Variants in PHF19 observed in about 807,000 individuals in gnomAD.
PHF19 encodes the protein polycomb like 3.
PHF19 carries 21 observed loss-of-function variants against 79.8 expected under a neutral mutation model. The ratio of observed to expected loss-of-function variants is 0.26; its 90% CI spans 0.19 to 0.38. The LOEUF is 0.38. PHF19 is among the 10% of genes least tolerant of loss of function. The probability of loss-of-function intolerance (pLI) is 1.00; values close to 1 mark genes in which losing one functional copy is unlikely to be tolerated. For missense variants in PHF19, 445 were observed against 744.2 expected (o/e 0.60, Z 4.68); for synonymous variants, 273 against 296.3 (o/e 0.92, Z 0.81).
upstream of PHF19, among the ~76,000 whole-genome samples, chr9:120,878,655 A>T (rs2046129994): frequency 6.6e-6 from 1 of 151,306 alleles, no homozygotes; most frequent in Non-Finnish European, 1.5e-5. Context: ...CTCCTTCCTC[A>T]CTTCCTTCTG....
At position 120,870,547 on chromosome 9, in the gene PHF19, G is replaced by C; in HGVS notation, c.269-9C>G. Reference sequence around the variant, plus strand: ...CTCTCCTGGAACACCGGCTGAAAGAGAGGGCCTCGAGGGTCGGGTCCAGCT... The same window carrying C: ...CTCTCCTGGAACACCGGCTGAAAGACAGGGCCTCGAGGGTCGGGTCCAGCT... On this transcript the variant is annotated splice_polypyrimidine_tract_variant and intron_variant, in intron 3 of 14. Coordinates refer to ENST00000373896, the MANE Select transcript of PHF19 (RefSeq NM_015651.3). This position sits in a 1 kb window ranked among gnomAD's most constrained non-coding sequence, Gnocchi z 4.4. 1 of 1,530,208 alleles carries C rather than the reference G, an allele frequency of 6.5e-7. No individual in the cohort carries two copies. The highest frequency in any genetic ancestry group is 9.1e-7 in the Non-Finnish European group (1 of 1,103,246). 94.8% of individuals were successfully genotyped at this position (1,530,208 alleles called of 1,614,324 possible).
At chr9:120,859,772 G>T (rs1439902929) in intron 14 of PHF19, among the ~76,000 whole-genome samples, 1 of 152,198 alleles carries the variant, frequency 6.6e-6, no homozygotes, top group East Asian at 1.9e-4. Flanking sequence ...GGCCAAAAGT[G>T]AAAGAAACTC....
At chr9:120,859,242 T>C (rs2045446193) in intron 14 of PHF19, among the ~76,000 whole-genome samples, 1 of 150,142 alleles carries the variant, frequency 6.7e-6, no homozygotes, top group South Asian at 2.1e-4. Context: ...TTTTTTTTTT[T>C]TTTTTTTTTT....
Position 120,862,398 on chromosome 9 carries a change from C to T in PHF19, c.1130+190G>A, listed in dbSNP as rs190930026. Among the ~76,000 whole-genome samples the T allele has an allele frequency of 3.5e-3, 535 of 152,292 alleles. 6 individuals are homozygous for T. The highest frequency in any genetic ancestry group is 0.012 in the African/African-American group (503 of 41,562). On this transcript the variant is annotated intron_variant, in intron 11 of 14. Transcript: ENST00000373896. This position sits in a 1 kb window ranked among gnomAD's most constrained non-coding sequence, Gnocchi z 4.6. ...CCTCAGATCTGGCTTTTCCTCCTTGCGAGGTAATAAGGGGGCTGTGGTGGT... is the reference window on the plus strand; with the variant it reads ...CCTCAGATCTGGCTTTTCCTCCTTGTGAGGTAATAAGGGGGCTGTGGTGGT...
chr9:120,872,950 C>CT (rs1438445951), intron 3 of PHF19, among the ~76,000 whole-genome samples: 2 of 152,160 alleles, frequency 1.3e-5, no homozygotes, highest in African/African-American at 2.4e-5. Context: ...AACAGCTTCT[C>CT]TAAAACCAAT....
At position 120,870,417 on chromosome 9, in the gene PHF19, C is replaced by T. The variant is rs751334537; in HGVS notation, c.364+26G>A. On this transcript the variant is annotated intron_variant, in intron 4 of 14. Coordinates refer to ENST00000373896, the MANE Select transcript of PHF19 (RefSeq NM_015651.3). The surrounding 1 kb of genome is among the most constrained non-coding windows in gnomAD (Gnocchi z 4.4). ...GTGGGGACCTATAGGTCGGGGCCTT[C>T]TCAGGGCCCTGCTCGCTCCACTCAC... 7.3e-6 allele frequency: 11 copies of T among 1,501,300 alleles called. No homozygotes were observed. Among genetic ancestry groups the T allele is most frequent in the Non-Finnish European group, 1.0e-5 (11 of 1,077,322 alleles). The allele number at this position is 1,501,300 out of a possible 1,614,324, so 93.0% of individuals were successfully genotyped here. A position where few individuals can be genotyped will look rare whatever the true frequency, so the allele number is the denominator to read the frequency against.
upstream of PHF19, among the ~76,000 whole-genome samples, chr9:120,879,096 C>CT (rs1362581249): frequency 3.9e-5 from 6 of 152,048 alleles, no homozygotes; most frequent in Admixed American, 1.3e-4. Flanking sequence ...GCTCCAGAGA[C>CT]TTTAAGTCTT....
intron 14 of PHF19, among the ~76,000 whole-genome samples, chr9:120,858,673 G>A (rs746493555): frequency 3.3e-5 from 5 of 152,122 alleles, no homozygotes; most frequent in Non-Finnish European, 7.4e-5. Context: ...AGCCTCCTGA[G>A]GCCATGCAGT....
In PHF19 at chr9:120,869,210, A is replaced by T; in HGVS notation, c.586T>A (p.Cys196Ser). ...DSPHRTNQQQ[C>S]YCYCGGPGEW... ...CCGGGCCCGCCGCAGTAGCAGTAGC[A>T]TTGCTGCTGGTTGGTGCGATGGGGC... The change falls in exon 6 of 15, where the codon TGC becomes AGC. Residue 196 changes from cysteine to serine, a missense_variant. This residue lies in a region of PHF19 where 167 missense variants were observed against 375.8 expected (regional missense o/e 0.44). Transcript: ENST00000373896. The surrounding 1 kb of genome is among the most constrained non-coding windows in gnomAD (Gnocchi z 5.8). The T allele has an allele frequency of 1.2e-6, 2 of 1,611,678 alleles. No individual in the cohort carries two copies. The highest frequency in any genetic ancestry group is 1.7e-6 in the Non-Finnish European group (2 of 1,179,208).
At position 120,872,037 on chromosome 9, in the gene PHF19, C is replaced by CAAAAAAAAAGAAAAAAA. The variant is rs2045912428; in HGVS notation, c.269-1500_269-1499insTTTTTTTCTTTTTTTTT. ...TGGGTGACAGAGCAAGACTCTGTCT[C>CAAAAAAAAAGAAAAAAA]AAAAAAAAAAAAAAAAAAAAAAAAA... On this transcript the variant is annotated intron_variant, in intron 3 of 14. Coordinates refer to ENST00000373896, the MANE Select transcript of PHF19 (RefSeq NM_015651.3). Among the ~76,000 whole-genome samples, 97 of 30,324 alleles carry CAAAAAAAAAGAAAAAAA rather than the reference C, an allele frequency of 3.2e-3. 5 individuals are homozygous for CAAAAAAAAAGAAAAAAA. Among genetic ancestry groups the CAAAAAAAAAGAAAAAAA allele is most frequent in the Non-Finnish European group, 4.3e-3 (79 of 18,288 alleles). The allele number at this position is 30,324 out of a possible 152,430, so 19.9% of individuals were successfully genotyped here. A position where few individuals can be genotyped will look rare whatever the true frequency, so the allele number is the denominator to read the frequency against.
chr9:120,858,811 T>TCACACACACACACACA lies in PHF19; in HGVS notation c.1401-541_1401-526dup, dbSNP rs56042039. Among the ~76,000 whole-genome samples, 161 of 122,876 alleles carry TCACACACACACACACA rather than the reference T, an allele frequency of 1.3e-3. 1 individual carries two copies. The highest frequency in any genetic ancestry group is 2.2e-3 in the Non-Finnish European group (126 of 57,692). 80.6% of individuals were successfully genotyped at this position (122,876 alleles called of 152,430 possible). A position where few individuals can be genotyped will look rare whatever the true frequency, so the allele number is the denominator to read the frequency against. ...GCCTGGATGGAGAGACTGACAGACATCACACACACACACACACACACACAC... is the reference window on the plus strand; with the variant it reads ...GCCTGGATGGAGAGACTGACAGACATCACACACACACACACACACACACACACACACACACACACAC... On this transcript the variant is annotated intron_variant, in intron 14 of 14. Transcript: ENST00000373896.
At position 120,860,243 on chromosome 9, in the gene PHF19, C is replaced by T; in HGVS notation, c.1305-58G>A. The T allele has an allele frequency of 1.1e-6, 1 of 937,920 alleles. No individual in the cohort carries two copies. The allele number at this position is 937,920 out of a possible 1,614,324, so 58.1% of individuals were successfully genotyped here. On this transcript the variant is annotated intron_variant, in intron 13 of 14. Coordinates refer to ENST00000373896, the MANE Select transcript of PHF19 (RefSeq NM_015651.3). This position sits in a 1 kb window ranked among gnomAD's most constrained non-coding sequence, Gnocchi z 4.1. ...GCCCGGCCCAGCAAGTTCCTGCCAA[C>T]CTGGCCCGCAGGTTCCCCTAACATG...
chr9:120,903,408 G>A, the PHF19 span: 1 of 152,340 alleles, frequency 6.6e-6, no homozygotes, highest in South Asian at 2.1e-4. Context: ...GCTGGCCTGG[G>A]TTTCTGACCC....
At chr9:120,879,463 G>A (rs562928372), upstream of PHF19, among the ~76,000 whole-genome samples, 77 of 152,212 alleles carry the variant, frequency 5.1e-4, no homozygotes, top group Non-Finnish European at 8.7e-4. Flanking sequence ...GGGGTCTTGG[G>A]TTAGCTAGAC....
At chr9:120,867,578 T>C (rs544720423) in intron 6 of PHF19, among the ~76,000 whole-genome samples, 5 of 152,326 alleles carry the variant, frequency 3.3e-5, no homozygotes, top group African/African-American at 1.2e-4. Context: ...TATTCAATCT[T>C]TGGGGAAGCC....
chr9:120,856,669 C>G lies in PHF19; in HGVS notation c.*1275G>C, dbSNP rs186308283. 2 of 152,748 alleles carry G rather than the reference C, an allele frequency of 1.3e-5. No individual in the cohort carries two copies. The highest frequency in any genetic ancestry group is 4.8e-5 in the African/African-American group (2 of 41,588). The allele number at this position is 152,748 out of a possible 1,614,324, so 9.5% of individuals were successfully genotyped here. A position where few individuals can be genotyped will look rare whatever the true frequency, so the allele number is the denominator to read the frequency against. On this transcript the variant is annotated 3_prime_UTR_variant, in exon 15 of 15. Transcript: ENST00000373896. The stretch of plus-strand genomic sequence containing the variant: ...AAATTCTCTTTCAAACCCCCACTGG[C>G]AAGGGCTTCCCTTTGAGGGAACCAA...
At position 120,860,636 on chromosome 9, in the gene PHF19, T is replaced by A; in HGVS notation, c.1305-451A>T. On this transcript the variant is annotated intron_variant, in intron 13 of 14. Coordinates refer to ENST00000373896, the MANE Select transcript of PHF19 (RefSeq NM_015651.3). This position sits in a 1 kb window ranked among gnomAD's most constrained non-coding sequence, Gnocchi z 4.1. ...GTCCTCAGGAAAATACTAAATGACC[T>A]TTAATAATTTGGAAAATAAAATGAT... 4.5e-6 allele frequency: 1 copy of A among 224,538 alleles called. No homozygotes were observed. The highest frequency in any genetic ancestry group is 9.0e-6 in the Non-Finnish European group (1 of 110,542). The allele number at this position is 224,538 out of a possible 1,614,324, so 13.9% of individuals were successfully genotyped here. A position where few individuals can be genotyped will look rare whatever the true frequency, so the allele number is the denominator to read the frequency against.
At chr9:120,867,423 T>G (rs539379951) in intron 6 of PHF19, among the ~76,000 whole-genome samples, 2 of 152,370 alleles carry the variant, frequency 1.3e-5, no homozygotes, top group African/African-American at 4.8e-5. Context: ...ACATCTGGCT[T>G]TTCTCACCTG....
chr9:120,863,997 G>C (rs2131504964), intron 10 of PHF19, 52 bp downstream of exon 10: 1 of 1,420,904 alleles, frequency 7.0e-7, no homozygotes, highest in Non-Finnish European at 9.9e-7. Flanking sequence ...AGGTAGGAAG[G>C]AATCTCACCT....
Sources: gnomAD v4.1 joint callset for allele counts (sites outside exome capture counted in the v4.1 genomes callset) on GRCh38, gnomAD v4.1.1 for gene constraint, gnomAD v4.1.1 regional missense constraint, Gnocchi (gnomAD v3.1) non-coding constraint, MANE v1.5 for transcripts, NCBI Gene and HGNC (gene_info 2026-07-23, HGNC 2026-07-21) for gene names.